The following PCDHGA9 variants were observed in gnomAD, a reference collection of about 807,000 sequenced individuals.
PCDHGA9 encodes protocadherin gamma-A9.
In PCDHGA9, 37 loss-of-function variants were observed where a neutral mutation model predicts 62.5. The observed-to-expected ratio is 0.59, with a 90% CI of 0.46 to 0.78. PCDHGA9 has a LOEUF of 0.78. PCDHGA9 is among the 30% of genes least tolerant of loss of function. The probability of loss-of-function intolerance (pLI) is 0.00; values close to 1 mark genes in which losing one functional copy is unlikely to be tolerated. For synonymous variants in PCDHGA9, 459 were observed against 484.6 expected (o/e 0.95, Z 0.69); for missense variants, 1,138 against 1,166.2 (o/e 0.98, Z 0.35).
At chr5:141,439,531 G>A (rs1474855779) in intron 1 of PCDHGA9, among the ~76,000 whole-genome samples, 5 of 152,126 alleles carry the variant, frequency 3.3e-5, no homozygotes, top group Admixed American at 3.3e-4. Flanking sequence ...TCTACAGAAC[G>A]CTGTCCTCTC....
rs1386737349 is a variant in PCDHGA9 at position 141,486,423 on chromosome 5, C to T, written c.2425-8384C>T. The T allele has an allele frequency of 6.2e-7, 1 of 1,614,042 alleles. No individual in the cohort carries two copies. The highest frequency in any genetic ancestry group is 8.5e-7 in the Non-Finnish European group (1 of 1,180,030). ...ACTGCTGGACCCTTGGATCGAGAGG[C>T]CAAATCTAGCTATGACATCATGGTC... is the stretch of plus-strand genomic sequence containing the variant. On this transcript the variant is annotated intron_variant, in intron 1 of 3. Transcript: ENST00000573521. The surrounding 1 kb of genome is among the most constrained non-coding windows in gnomAD (Gnocchi z 5.0).
intron 1 of PCDHGA9, chr5:141,413,841 T>A: frequency 6.2e-7 from 1 of 1,613,060 alleles, no homozygotes; most frequent in Non-Finnish European, 8.5e-7. Flanking sequence ...CCGACGGGGG[T>A]GACCCTCTCC....
chr5:141,492,552 T>A (rs1444534113), intron 1 of PCDHGA9, among the ~76,000 whole-genome samples: 1 of 152,084 alleles, frequency 6.6e-6, no homozygotes, highest in African/African-American at 2.4e-5. Context: ...CCGGGTCGCC[T>A]GGGGGGCGGC....
At chr5:141,455,058 C>G (rs1350223657) in intron 1 of PCDHGA9, among the ~76,000 whole-genome samples, 9 of 151,814 alleles carry the variant, frequency 5.9e-5, no homozygotes, top group Admixed American at 5.9e-4. Context: ...GTGATCCGCC[C>G]GCCTCGGCCT....
At chr5:141,418,621 C>G (rs765634746) in intron 1 of PCDHGA9, 2 of 1,613,916 alleles carry the variant, frequency 1.2e-6, no homozygotes, top group Non-Finnish European at 1.7e-6. Flanking sequence ...TTCGGGAAGA[C>G]GTGCCTCCAG....
Position 141,403,594 on chromosome 5 carries a change from C to A in PCDHGA9, c.642C>A (p.Ala214=). The change falls in exon 1 of 4, where the codon GCC becomes GCA. Residue 214 remains alanine (A), a synonymous_variant. Transcript: ENST00000573521. ...EATAHHLVLT[A]SDGGEPRRSS... is the part of the protein sequence containing the mutation. ...CTGCCCACCACCTGGTCCTCACGGC[C>A]TCGGATGGCGGCGAGCCGCGTCGCT... 2 of 1,613,848 alleles carry A rather than the reference C, an allele frequency of 1.2e-6. No homozygotes were observed. The highest frequency in any genetic ancestry group is 1.7e-6 in the Non-Finnish European group (2 of 1,179,900).
Position 141,432,668 on chromosome 5 carries a change from G to C in PCDHGA9, c.2424+27292G>C, listed in dbSNP as rs1202414814. 2.5e-6 allele frequency: 4 copies of C among 1,613,742 alleles called. No individual in the cohort carries two copies. The highest frequency in any genetic ancestry group is 2.2e-5 in the South Asian group (2 of 91,068). On this transcript the variant is annotated intron_variant, in intron 1 of 3. Coordinates refer to ENST00000573521, the MANE Select transcript of PCDHGA9 (RefSeq NM_018921.3). This position sits in a 1 kb window ranked among gnomAD's most constrained non-coding sequence, Gnocchi z 6.0. The stretch of plus-strand genomic sequence containing the variant: ...GGCGCGAGCCCTGCTGGACAGAGAC[G>C]CGCTCAAGCAGAGCCTCGTAGTGGC...
At chr5:141,420,237 C>A in intron 1 of PCDHGA9, 1 of 1,595,672 alleles carries the variant, frequency 6.3e-7, no homozygotes, top group Non-Finnish European at 8.6e-7. Context: ...AGCATTTTAA[C>A]TCCCAGCGTT....
Position 141,491,793 on chromosome 5 carries a change from C to A in PCDHGA9, c.2425-3014C>A. 6.6e-7 allele frequency: 1 copy of A among 1,511,410 alleles called. No homozygotes were observed. The highest frequency in any genetic ancestry group is 1.3e-5 in the South Asian group (1 of 77,572). The allele number at this position is 1,511,410 out of a possible 1,614,324, so 93.6% of individuals were successfully genotyped here. On this transcript the variant is annotated intron_variant, in intron 1 of 3. Coordinates refer to ENST00000573521, the MANE Select transcript of PCDHGA9 (RefSeq NM_018921.3). This position sits in a 1 kb window ranked among gnomAD's most constrained non-coding sequence, Gnocchi z 6.9. ...AGGGATTGAACTTGCATCCACTCCT[C>A]TCCGGCCGGCTTGGTCGCTGGCTGC...
intron 2 of PCDHGA9, among the ~76,000 whole-genome samples, chr5:141,500,324 T>G (rs1165047676): frequency 6.6e-6 from 1 of 151,994 alleles, no homozygotes; most frequent in African/African-American, 2.4e-5. Flanking sequence ...TGCTCCTGCC[T>G]CAGCCTCCAG....
intron 1 of PCDHGA9, chr5:141,430,625 G>T: frequency 1.3e-6 from 1 of 788,104 alleles, no homozygotes; most frequent in Non-Finnish European, 1.9e-6. Context: ...AGCTAGGAAT[G>T]AACCATCCCT....
At chr5:141,413,295 T>C in intron 1 of PCDHGA9, 1 of 1,613,940 alleles carries the variant, frequency 6.2e-7, no homozygotes, top group Middle Eastern at 1.7e-4. Context: ...ACTCAATTCC[T>C]GAGGAATTAG....
chr5:141,438,591 CATATATATATATATAT>C (rs946798767), intron 1 of PCDHGA9, among the ~76,000 whole-genome samples: 4 of 75,562 alleles, frequency 5.3e-5, no homozygotes, highest in East Asian at 3.5e-4. Context: ...TACATACATA[CATATATATATATATAT>C]ATATATATAT....
In PCDHGA9 at chr5:141,487,743, G is replaced by C. The variant is rs1424889718; in HGVS notation, c.2425-7064G>C. The C allele has an allele frequency of 1.9e-6, 3 of 1,559,988 alleles. No homozygotes were observed. Among genetic ancestry groups the C allele is most frequent in the Non-Finnish European group, 2.6e-6 (3 of 1,150,774 alleles). ...AGTGATGTCACCATTTTTGTAAGAG[G>C]TAACTATGTGGTAGACGCTGTGCTT... On this transcript the variant is annotated intron_variant, in intron 1 of 3. Transcript: ENST00000573521. The surrounding 1 kb of genome is among the most constrained non-coding windows in gnomAD (Gnocchi z 5.0).
At chr5:141,409,743 T>C in intron 1 of PCDHGA9, 2 of 1,613,048 alleles carry the variant, frequency 1.2e-6, no homozygotes, top group Non-Finnish European at 1.7e-6. Flanking sequence ...AGCGGGGTGG[T>C]GTTCGCGCAG....
Position 141,491,057 on chromosome 5 carries a change from CCTA to C in PCDHGA9, c.2425-3747_2425-3745del. On this transcript the variant is annotated intron_variant, in intron 1 of 3. Coordinates refer to ENST00000573521, the MANE Select transcript of PCDHGA9 (RefSeq NM_018921.3). The surrounding 1 kb of genome is among the most constrained non-coding windows in gnomAD (Gnocchi z 6.9). ...GATGCAGGCCACAATGCGTGGCTCTCCTACTCACTGTTGCCACAGTCCACAGCC... is the reference window on the plus strand; with the variant it reads ...GATGCAGGCCACAATGCGTGGCTCTCCTCACTGTTGCCACAGTCCACAGCC... 6.2e-7 allele frequency: 1 copy of C among 1,614,208 alleles called. No homozygotes were observed. The highest frequency in any genetic ancestry group is 8.5e-7 in the Non-Finnish European group (1 of 1,180,022).
Position 141,417,750 on chromosome 5 carries a change from G to A in PCDHGA9, c.2424+12374G>A, listed in dbSNP as rs1430413607. The A allele has an allele frequency of 1.5e-5, 22 of 1,426,796 alleles. 1 individual carries two copies. In the East Asian group the frequency reaches 5.5e-4, roughly 36 times the overall value. The allele number at this position is 1,426,796 out of a possible 1,614,324, so 88.4% of individuals were successfully genotyped here. On this transcript the variant is annotated intron_variant, in intron 1 of 3. Coordinates refer to ENST00000573521, the MANE Select transcript of PCDHGA9 (RefSeq NM_018921.3). ...CCTTGCCCAGCACACCAGATTGCCA[G>A]CTCCGAGACCCGGGACTCCTCCTGT...
chr5:141,428,563 G>A, intron 1 of PCDHGA9: 2 of 237,566 alleles, frequency 8.4e-6, no homozygotes, highest in East Asian at 1.1e-4. Flanking sequence ...CCCCCCACAA[G>A]ATCTTTCTAA....
At position 141,485,326 on chromosome 5, in the gene PCDHGA9, T is replaced by C. The variant is rs2154580391; in HGVS notation, c.2425-9481T>C. On this transcript the variant is annotated intron_variant, in intron 1 of 3. Coordinates refer to ENST00000573521, the MANE Select transcript of PCDHGA9 (RefSeq NM_018921.3). This position sits in a 1 kb window ranked among gnomAD's most constrained non-coding sequence, Gnocchi z 5.7. ...CTTTTGTAGGGAATGTCGCTCAAGATTTCCTGCTGGATACGGACAGTCTGT... is the reference window on the plus strand; with the variant it reads ...CTTTTGTAGGGAATGTCGCTCAAGACTTCCTGCTGGATACGGACAGTCTGT... 1 of 1,614,106 alleles carries C rather than the reference T, an allele frequency of 6.2e-7. No homozygotes were observed. The highest frequency in any genetic ancestry group is 1.7e-5 in the Admixed American group (1 of 60,028).
Sources: allele counts gnomAD v4.1 joint callset (sites outside exome capture counted in the v4.1 genomes callset), GRCh38; gene constraint gnomAD v4.1.1; non-coding constraint Gnocchi (gnomAD v3.1); transcripts MANE v1.5; gene names NCBI Gene and HGNC (gene_info 2026-07-23, HGNC 2026-07-21).